The following DSCAM variants were observed in gnomAD, a reference collection of about 807,000 sequenced individuals.
DSCAM encodes the protein cell adhesion molecule DSCAM.
In DSCAM, 47 loss-of-function variants were observed where a neutral mutation model predicts 217.7. That is an observed-to-expected ratio of 0.22 (90% CI 0.17 to 0.28). The LOEUF (loss-of-function observed/expected upper bound fraction) is 0.28. Ranked by LOEUF, DSCAM falls within the 10% of genes least tolerant of loss-of-function variation. The pLI, the probability that DSCAM is intolerant of heterozygous loss-of-function variation, is 1.00. For missense variants in DSCAM, 2,080 were observed against 2,618.3 expected (o/e 0.79, Z 4.49); for synonymous variants, 1,056 against 1,015.3 (o/e 1.04, Z -0.76).
intron 11 of DSCAM, among the ~76,000 whole-genome samples, chr21:40,203,180 A>G (rs2091088551): frequency 6.6e-6 from 1 of 152,236 alleles, no homozygotes; most frequent in African/African-American, 2.4e-5. Context: ...TGGATGCATG[A>G]ACAACTTGGT....
Position 40,812,570 on chromosome 21 carries a change from G to A in DSCAM, c.43+34049C>T, listed in dbSNP as rs916399552. Among the ~76,000 whole-genome samples the A allele has an allele frequency of 4.6e-5, 7 of 152,328 alleles. No individual in the cohort carries two copies. In the South Asian group the frequency reaches 6.2e-4, roughly 14 times the overall value. On this transcript the variant is annotated intron_variant, in intron 1 of 32. Transcript: ENST00000400454. ...ACTCTCACGGTATGGCTATTTGTGGGCCACAGAGGGAGAAGATGGAACTTG... is the reference window on the plus strand; with the variant it reads ...ACTCTCACGGTATGGCTATTTGTGGACCACAGAGGGAGAAGATGGAACTTG...
At chr21:40,360,343 C>T (rs1842037514) in intron 4 of DSCAM, among the ~76,000 whole-genome samples, 1 of 151,688 alleles carries the variant, frequency 6.6e-6, no homozygotes, top group Admixed American at 6.6e-5. Flanking sequence ...ACCGTGTTAG[C>T]CAGGATGGTC....
At position 40,218,860 on chromosome 21, in the gene DSCAM, T is replaced by C. The variant is rs1385577448; in HGVS notation, c.2357-29622A>G. Among the ~76,000 whole-genome samples, 6 of 152,220 alleles carry C rather than the reference T, an allele frequency of 3.9e-5. No homozygotes were observed. The East Asian group carries it at 1.2e-3, about 29-fold the overall frequency. On this transcript the variant is annotated intron_variant, in intron 11 of 32. Coordinates refer to ENST00000400454, the MANE Select transcript of DSCAM (RefSeq NM_001389.5). ...TTTGTATCCTGAAACTTTGCTGAAG[T>C]TGTTTATCAGCTGAAGAATCTTTTG...
rs374470046 is a variant in DSCAM, at chr21:40,142,628, A to C, written c.3336T>G (p.Leu1112=). ...PESISISWST[L]SKEALNGILQ... is the part of the protein sequence containing the mutation. ...GAATTCCATTCAAGGCTTCCTTGGA[A>C]AGTGTGGACCAGGATATTGATATGC... Residue 1112 remains leucine, a synonymous_variant, in exon 18 of 33, where the codon CTT becomes CTG. Coordinates refer to ENST00000400454, the MANE Select transcript of DSCAM (RefSeq NM_001389.5). 44 of 1,614,058 alleles carry C rather than the reference A, an allele frequency of 2.7e-5. No individual in the cohort carries two copies. Among genetic ancestry groups the C allele is most frequent in the Non-Finnish European group, 3.6e-5 (42 of 1,180,046 alleles).
intron 1 of DSCAM, among the ~76,000 whole-genome samples, chr21:40,831,155 G>T (rs1453456167): frequency 6.6e-6 from 1 of 152,208 alleles, no homozygotes; most frequent in Non-Finnish European, 1.5e-5. Context: ...TGAGAGAACT[G>T]GTCTATTTTC....
chr21:40,311,933 ATTTTTTT>A (rs34579385), intron 9 of DSCAM, 141 bp downstream of exon 9: 82 of 202,384 alleles, frequency 4.1e-4, no homozygotes, highest in East Asian at 3.2e-3. Flanking sequence ...TTAGAGTCGT[ATTTTTTT>A]TTTTTTTTTT....
intron 3 of DSCAM, among the ~76,000 whole-genome samples, chr21:40,387,386 T>C (rs1169647292): frequency 1.3e-5 from 2 of 152,102 alleles, no homozygotes; most frequent in African/African-American, 4.8e-5. Context: ...AAAACAGCCT[T>C]TGCAAATACC....
intron 14 of DSCAM, among the ~76,000 whole-genome samples, chr21:40,181,877 A>G (rs887336916): frequency 2.0e-5 from 3 of 152,124 alleles, no homozygotes; most frequent in Non-Finnish European, 4.4e-5. Context: ...TGTCAGAAGC[A>G]TTCACGAAAG....
chr21:40,566,499 C>T (rs562397899), intron 3 of DSCAM, among the ~76,000 whole-genome samples: 2 of 152,330 alleles, frequency 1.3e-5, no homozygotes, highest in African/African-American at 4.8e-5. Context: ...GCTTTTCACA[C>T]CGCTACTCAC....
chr21:40,568,806 C>T (rs1307501970), intron 3 of DSCAM, among the ~76,000 whole-genome samples: 1 of 152,114 alleles, frequency 6.6e-6, no homozygotes, highest in East Asian at 1.9e-4. Flanking sequence ...GAGAGAGGCC[C>T]CAGGAGCTCA....
At chr21:40,539,612 T>C (rs149147529) in intron 3 of DSCAM, among the ~76,000 whole-genome samples, 8 of 152,326 alleles carry the variant, frequency 5.3e-5, no homozygotes, top group Middle Eastern at 6.8e-3. Context: ...ACAGAATCAG[T>C]GAAATGAAAT....
At chr21:40,751,624 CAT>C (rs966517846) in intron 1 of DSCAM, among the ~76,000 whole-genome samples, 29 of 152,210 alleles carry the variant, frequency 1.9e-4, no homozygotes, top group African/African-American at 6.3e-4. Context: ...AGGCTACAAA[CAT>C]GTGGTACAAC....
At chr21:40,039,317 A>T (rs1307873204) in intron 32 of DSCAM, among the ~76,000 whole-genome samples, 1 of 152,298 alleles carries the variant, frequency 6.6e-6, no homozygotes, top group Non-Finnish European at 1.5e-5. Flanking sequence ...ATCAAAAAAA[A>T]AAAGAATGGA....
chr21:40,444,998 T>C (rs1341547736), intron 3 of DSCAM, among the ~76,000 whole-genome samples: 1 of 152,226 alleles, frequency 6.6e-6, no homozygotes, highest in Non-Finnish European at 1.5e-5. Context: ...AATATGGTTC[T>C]GGAGCCTGGG....
At chr21:40,178,733 T>C (rs1229860962) in intron 15 of DSCAM, among the ~76,000 whole-genome samples, 194 bp downstream of exon 15, 2 of 152,202 alleles carry the variant, frequency 1.3e-5, no homozygotes, top group Non-Finnish European at 2.9e-5. Context: ...TAAATCCTAT[T>C]TGAAGAGCAG....
chr21:40,246,818 C>G (rs2073232393), intron 11 of DSCAM, among the ~76,000 whole-genome samples: 1 of 152,168 alleles, frequency 6.6e-6, no homozygotes, highest in South Asian at 2.1e-4. Context: ...GAAACTGAGA[C>G]AGCTGGTCAC....
intron 18 of DSCAM, among the ~76,000 whole-genome samples, chr21:40,138,246 GGT>G (rs1259459837): frequency 1.3e-5 from 2 of 151,376 alleles, no homozygotes; most frequent in Non-Finnish European, 2.9e-5. Flanking sequence ...ATGTGTGGGG[GGT>G]GTGTGTGGTG....
At chr21:40,534,609 T>C (rs2146117612) in intron 3 of DSCAM, among the ~76,000 whole-genome samples, 1 of 152,292 alleles carries the variant, frequency 6.6e-6, no homozygotes, top group Admixed American at 6.5e-5. Flanking sequence ...TCACCAAGTG[T>C]TCATTTTTAT....
At chr21:40,632,264 C>T (rs17000138) in intron 3 of DSCAM, among the ~76,000 whole-genome samples, 11,109 of 145,744 alleles carry the variant, frequency 0.076, 458 homozygotes, top group Middle Eastern at 0.11. Context: ...CTGATAGAAT[C>T]TGCCTATACC....
Sources: allele counts gnomAD v4.1 joint callset (sites outside exome capture counted in the v4.1 genomes callset), GRCh38; gene constraint gnomAD v4.1.1; transcripts MANE v1.5; gene names NCBI Gene and HGNC (gene_info 2026-07-23, HGNC 2026-07-21).